RP1: variants seen among roughly 807,000 people sequenced by gnomAD.
RP1 encodes the protein RP1 axonemal microtubule associated.
Under a neutral mutation model 14.8 loss-of-function variants are expected in RP1, and 16 were observed. That is an observed-to-expected ratio of 1.08 (90% CI 0.73 to 1.65). The LOEUF is 1.65. Ranked by LOEUF, RP1 falls within the 40% of genes most tolerant of loss-of-function variation. The probability of loss-of-function intolerance (pLI) is 0.00; values close to 1 mark genes in which losing one functional copy is unlikely to be tolerated. For synonymous variants in RP1, 876 were observed against 883.6 expected, an observed-to-expected ratio of 0.99 and a Z score of 0.15; for missense variants, 2,631 against 2,535.0, an observed-to-expected ratio of 1.04 and a Z score of -0.81.
At chr8:54,792,775 C>T (rs186560915) in intron 24 of RP1, among the ~76,000 whole-genome samples, 102 of 150,684 alleles carry the variant, frequency 6.8e-4, no homozygotes, top group East Asian at 1.9e-3. Context: ...CTATACACTT[C>T]GAGGAATCAG....
At chr8:54,622,361 C>T (rs1805905302) in intron 3 of RP1, 73 bp downstream of exon 3, 1 of 1,330,968 alleles carries the variant, frequency 7.5e-7, no homozygotes, top group East Asian at 2.3e-5. Flanking sequence ...CGGCAAAATC[C>T]ATGCTTCAAT....
rs995598864 is a variant in RP1, at chr8:54,629,613, T to A, written c.5731T>A (p.Tyr1911Asn). Residue 1911 changes from tyrosine to asparagine, a missense_variant, in exon 4 of 4, where the codon TAT becomes AAT. Transcript: ENST00000220676. ...GGAAGCTGACTCTTTGGATAAACTG[T>A]ATGCTCTTTGTGGTCAACATTGCCC... ...LQEADSLDKL[Y>N]ALCGQHCPIL... is the part of the protein sequence containing the mutation. The A allele has an allele frequency of 4.2e-5, 68 of 1,613,894 alleles. No individual in the cohort carries two copies. Among genetic ancestry groups the A allele is most frequent in the Non-Finnish European group, 5.5e-5 (65 of 1,180,010 alleles).
intron 19 of RP1, among the ~76,000 whole-genome samples, chr8:54,740,688 T>C (rs1809058470): frequency 1.3e-5 from 2 of 150,772 alleles, no homozygotes; most frequent in South Asian, 4.2e-4. Flanking sequence ...CACCACTGCG[T>C]TCCAGCCTGG....
chr8:54,765,209 T>G (rs571916896), intron 22 of RP1, among the ~76,000 whole-genome samples: 1 of 152,390 alleles, frequency 6.6e-6, no homozygotes, highest in African/African-American at 2.4e-5. Flanking sequence ...CTTAATTGCC[T>G]TGTGGCAACT....
At chr8:54,713,196 C>A (rs1326826515) in intron 15 of RP1, among the ~76,000 whole-genome samples, 2 of 151,910 alleles carry the variant, frequency 1.3e-5, no homozygotes, top group African/African-American at 4.8e-5. Context: ...AATAAAGTGA[C>A]ACTGATCCTA....
intron 6 of RP1, among the ~76,000 whole-genome samples, chr8:54,663,389 A>G (rs902003226): frequency 2.0e-5 from 3 of 152,156 alleles, no homozygotes; most frequent in African/African-American, 7.2e-5. Flanking sequence ...AGTATGTCAA[A>G]TTTGCTAAGA....
intron 24 of RP1, among the ~76,000 whole-genome samples, chr8:54,797,530 AACACACACAC>A (rs3077304): frequency 6.7e-6 from 1 of 148,294 alleles, no homozygotes; most frequent in South Asian, 2.2e-4. Context: ...CATAGGACTA[AACACACACAC>A]ACACACACAC....
intron 25 of RP1, among the ~76,000 whole-genome samples, chr8:54,845,538 C>A (rs567108245): frequency 1.3e-5 from 2 of 152,248 alleles, no homozygotes; most frequent in South Asian, 4.1e-4. Flanking sequence ...AGTGGCAGCT[C>A]GGGCTACAGA....
Position 54,625,593 on chromosome 8 carries a change from T to C in RP1, c.1711T>C (p.Ser571Pro), listed in dbSNP as rs1806019813. 1.9e-6 allele frequency: 3 copies of C among 1,613,974 alleles called. No homozygotes were observed. Among genetic ancestry groups the C allele is most frequent in the Admixed American group, 1.7e-5 (1 of 60,006 alleles). Residue 571 changes from serine to proline, a missense_variant, in exon 4 of 4, where the codon TCA becomes CCA. Ser to Pro is a moderately conservative substitution (Grantham distance 74). Coordinates refer to ENST00000220676, the MANE Select transcript of RP1 (RefSeq NM_006269.2). ...SHNNGLPSTISNNSIVEEDVV... is the reference protein window; with the variant it reads ...SHNNGLPSTIPNNSIVEEDVV... ...TAATAATGGTTTGCCATCAACTATA[T>C]CAAATAACTCAATTGTGGAGGAAGA...
intron 19 of RP1, among the ~76,000 whole-genome samples, chr8:54,754,152 G>A (rs1230040697): frequency 6.6e-6 from 1 of 152,158 alleles, no homozygotes; most frequent in African/African-American, 2.4e-5. Context: ...CTGGGTTGGG[G>A]GGAAGGGCAG....
intron 13 of RP1, among the ~76,000 whole-genome samples, chr8:54,701,000 C>T (rs1026649266): frequency 6.6e-6 from 1 of 152,146 alleles, no homozygotes; most frequent in Admixed American, 6.6e-5. Flanking sequence ...CTACTGCCTC[C>T]CTGGGGAACT....
At chr8:54,861,609 TTC>T (rs1342102937) in intron 27 of RP1, among the ~76,000 whole-genome samples, 1 of 152,206 alleles carries the variant, frequency 6.6e-6, no homozygotes, top group African/African-American at 2.4e-5. Flanking sequence ...TTCTTTTCTT[TTC>T]TTTTTTTTTG....
At chr8:54,670,693 AT>A (rs1807157169) in intron 7 of RP1, among the ~76,000 whole-genome samples, 2 of 138,616 alleles carry the variant, frequency 1.4e-5, no homozygotes, top group African/African-American at 5.3e-5. Flanking sequence ...ATATATATAT[AT>A]ATATATATAT....
chr8:54,726,584 T>C, intron 17 of RP1: 1 of 1,209,936 alleles, frequency 8.3e-7, no homozygotes, highest in Non-Finnish European at 1.1e-6. Flanking sequence ...TATATTATGT[T>C]ATACCACATG....
chr8:54,567,475 AT>A (rs1469308796), intron 1 of RP1, among the ~76,000 whole-genome samples: 1 of 152,218 alleles, frequency 6.6e-6, no homozygotes, highest in African/African-American at 2.4e-5. Context: ...TAAAGTAAAA[AT>A]ATAGGTAAGC....
intron 18 of RP1, among the ~76,000 whole-genome samples, chr8:54,736,573 A>C (rs1808929022): frequency 6.6e-6 from 1 of 152,166 alleles, no homozygotes; most frequent in South Asian, 2.1e-4. Flanking sequence ...GACAGATTAC[A>C]GGCACCAAGG....
chr8:54,593,475 C>A (rs1202181853), intron 1 of RP1, among the ~76,000 whole-genome samples: 1 of 152,206 alleles, frequency 6.6e-6, no homozygotes, highest in Non-Finnish European at 1.5e-5. Flanking sequence ...AAATCCCAGT[C>A]TCTCAGCTTG....
intron 28 of RP1, among the ~76,000 whole-genome samples, chr8:54,866,186 T>C (rs1812454768): frequency 6.6e-6 from 1 of 152,172 alleles, no homozygotes; most frequent in Non-Finnish European, 1.5e-5. Context: ...AGGTTCTTCT[T>C]TCTGTTTCTA....
chr8:54,831,952 G>T (rs545736183), intron 24 of RP1, among the ~76,000 whole-genome samples: 2 of 151,652 alleles, frequency 1.3e-5, no homozygotes, highest in East Asian at 3.9e-4. Context: ...ATGTTCATTT[G>T]TTCTTAGAAC....
Sources: allele counts gnomAD v4.1 joint callset (sites outside exome capture counted in the v4.1 genomes callset), GRCh38; gene constraint gnomAD v4.1.1; transcripts MANE v1.5; gene names NCBI Gene and HGNC (gene_info 2026-07-23, HGNC 2026-07-21).